Variants in NRG3 observed in about 807,000 individuals in gnomAD.
NRG3 encodes pro-neuregulin-3, membrane-bound isoform.
In NRG3, 31 loss-of-function variants were observed where a neutral mutation model predicts 66.9. That is an observed-to-expected ratio of 0.46 (90% confidence interval 0.35 to 0.63). NRG3 has a LOEUF of 0.63. Among genes scored for constraint, NRG3 ranks in the 20% least tolerant of loss-of-function variants. The pLI is 0.00. For synonymous variants in NRG3, 393 were observed against 359.4 expected (o/e 1.09, Z -1.06); for missense variants, 910 against 878.9 (o/e 1.04, Z -0.45).
At chr10:82,756,378 G>A (rs763544916) in intron 3 of NRG3, among the ~76,000 whole-genome samples, 12 of 151,904 alleles carry the variant, frequency 7.9e-5, no homozygotes, top group Admixed American at 1.3e-4. Context: ...ATCCTTTCCC[G>A]GTTTTACATA....
At chr10:81,966,440 G>C (rs2059732563) in intron 1 of NRG3, among the ~76,000 whole-genome samples, 1 of 151,782 alleles carries the variant, frequency 6.6e-6, no homozygotes, top group Non-Finnish European at 1.5e-5. Context: ...TGTCAGATGA[G>C]TTGATTTTTC....
chr10:82,155,770 G>T (rs1398028677), intron 1 of NRG3, among the ~76,000 whole-genome samples: 7 of 151,586 alleles, frequency 4.6e-5, no homozygotes, highest in Admixed American at 2.6e-4. Context: ...TTATTTAGTA[G>T]ATGTGTAAGC....
At chr10:81,876,999 T>C (rs1198336394) in intron 1 of NRG3, among the ~76,000 whole-genome samples, 3 of 152,108 alleles carry the variant, frequency 2.0e-5, no homozygotes, top group Non-Finnish European at 4.4e-5. Flanking sequence ...CCTTATCTCC[T>C]CTCCCTCTGT....
At chr10:82,405,239 G>T (rs2087418136) in intron 2 of NRG3, among the ~76,000 whole-genome samples, 1 of 152,014 alleles carries the variant, frequency 6.6e-6, no homozygotes, top group Non-Finnish European at 1.5e-5. Flanking sequence ...GAATTAGAAG[G>T]ATGTGTGCAT....
At chr10:82,369,439 C>T (rs1047270813) in intron 2 of NRG3, among the ~76,000 whole-genome samples, 1 of 137,880 alleles carries the variant, frequency 7.3e-6, no homozygotes, top group African/African-American at 3.4e-5. Context: ...ACTGGGACTA[C>T]AAGTGCACAC....
chr10:82,836,945 A>C (rs574759575), intron 3 of NRG3, among the ~76,000 whole-genome samples: 1 of 152,030 alleles, frequency 6.6e-6, no homozygotes, highest in African/African-American at 2.4e-5. Flanking sequence ...TCCTGTGTCC[A>C]TGTGTTCTCA....
intron 1 of NRG3, among the ~76,000 whole-genome samples, chr10:82,087,935 G>T (rs1252024098): frequency 6.6e-6 from 1 of 151,918 alleles, no homozygotes; most frequent in East Asian, 1.9e-4. Context: ...TTTTCTTGAG[G>T]TATCTGAGAA....
intron 1 of NRG3, among the ~76,000 whole-genome samples, chr10:81,882,643 C>T (rs529130750): frequency 6.6e-6 from 1 of 152,146 alleles, no homozygotes; most frequent in East Asian, 1.9e-4. Context: ...GTTTTTATGT[C>T]AAGTGAAATG....
At chr10:81,905,598 T>G (rs927559241) in intron 1 of NRG3, among the ~76,000 whole-genome samples, 1 of 152,106 alleles carries the variant, frequency 6.6e-6, no homozygotes, top group Admixed American at 6.5e-5. Context: ...TTGAGAGACC[T>G]GGACCTCTGA....
chr10:82,395,553 C>T (rs938070863), intron 2 of NRG3, among the ~76,000 whole-genome samples: 7 of 152,092 alleles, frequency 4.6e-5, no homozygotes, highest in African/African-American at 9.7e-5. Flanking sequence ...TGATCTAGGC[C>T]GAAGTCTTTT....
At chr10:82,895,634 G>A (rs1843591479) in intron 4 of NRG3, among the ~76,000 whole-genome samples, 1 of 151,992 alleles carries the variant, frequency 6.6e-6, no homozygotes, top group Non-Finnish European at 1.5e-5. Flanking sequence ...GGGACTGCAG[G>A]CACCTGCCTC....
intron 2 of NRG3, among the ~76,000 whole-genome samples, chr10:82,649,590 A>T (rs2051248477): frequency 6.8e-6 from 1 of 147,910 alleles, no homozygotes; most frequent in Non-Finnish European, 1.5e-5. Flanking sequence ...AGTAACTGGG[A>T]TTACAGGCAC....
intron 4 of NRG3, among the ~76,000 whole-genome samples, chr10:82,912,396 A>G (rs1845406937): frequency 6.6e-6 from 1 of 152,170 alleles, no homozygotes; most frequent in African/African-American, 2.4e-5. Context: ...TTATCATTAT[A>G]TAATGCTCCT....
At chr10:82,363,604 T>C (rs2084330409) in intron 2 of NRG3, among the ~76,000 whole-genome samples, 1 of 152,072 alleles carries the variant, frequency 6.6e-6, no homozygotes, top group South Asian at 2.1e-4. Flanking sequence ...TACAGGCACC[T>C]GCCACCACAC....
At chr10:82,355,345 A>C (rs2083705319) in intron 1 of NRG3, among the ~76,000 whole-genome samples, 1 of 152,232 alleles carries the variant, frequency 6.6e-6, no homozygotes, top group Non-Finnish European at 1.5e-5. Flanking sequence ...GCACAGAAAG[A>C]AAATAAAGAA....
intron 1 of NRG3, among the ~76,000 whole-genome samples, chr10:82,186,803 C>A (rs183403102): frequency 2.6e-5 from 4 of 152,270 alleles, no homozygotes; most frequent in Admixed American, 2.0e-4. Context: ...ACATTCAAAT[C>A]CCTTTCGTAG....
chr10:82,261,134 A>G (rs954756368), intron 1 of NRG3, among the ~76,000 whole-genome samples: 4 of 152,132 alleles, frequency 2.6e-5, no homozygotes, highest in East Asian at 3.9e-4. Context: ...TGCAAACCCC[A>G]TAATCCTCAT....
chr10:82,945,865 T>C (rs2132306814), intron 4 of NRG3, among the ~76,000 whole-genome samples: 1 of 152,158 alleles, frequency 6.6e-6, no homozygotes, highest in East Asian at 1.9e-4. Context: ...AGTTTGGATG[T>C]GGGTGGGGTC....
At chr10:82,070,101 G>C (rs547430794) in intron 1 of NRG3, among the ~76,000 whole-genome samples, 1 of 152,292 alleles carries the variant, frequency 6.6e-6, no homozygotes, top group Admixed American at 6.5e-5. Context: ...CAAGAGATAA[G>C]CACATAGGTT....
Sources: gnomAD v4.1 joint callset for allele counts (sites outside exome capture counted in the v4.1 genomes callset) on GRCh38, gnomAD v4.1.1 for gene constraint, MANE v1.5 for transcripts, NCBI Gene and HGNC (gene_info 2026-07-23, HGNC 2026-07-21) for gene names.